HECTD4: variants seen among roughly 807,000 people sequenced by gnomAD.
HECTD4 encodes the protein HECT domain E3 ubiquitin protein ligase 4, also known as probable E3 ubiquitin-protein ligase HECTD4.
In HECTD4, 114 loss-of-function variants were observed where a neutral mutation model predicts 471.5. That is an observed-to-expected ratio of 0.24 (90% CI 0.21 to 0.28). The LOEUF (loss-of-function observed/expected upper bound fraction) is 0.28. Among genes scored for constraint, HECTD4 ranks in the 10% least tolerant of loss-of-function variants. The probability of loss-of-function intolerance (pLI) is 1.00; values close to 1 mark genes in which losing one functional copy is unlikely to be tolerated. For missense variants in HECTD4, 3,866 were observed against 5,651.5 expected, an observed-to-expected ratio of 0.68 and a Z score of 10.13; for synonymous variants, 2,012 against 2,256.0, an observed-to-expected ratio of 0.89 and a Z score of 3.07.
At chr12:112,172,336 A>G (rs1402458520) in intron 67 of HECTD4, among the ~76,000 whole-genome samples, 2 of 152,208 alleles carry the variant, frequency 1.3e-5, no homozygotes, top group Non-Finnish European at 2.9e-5. Flanking sequence ...CAGACTATAA[A>G]TGCTTCTCAC....
In HECTD4 at chr12:112,200,866, TGTGTGTGTGCGTGCGTGC is replaced by T. The variant is rs1433938989; in HGVS notation, c.8407-86_8407-69del. The T allele has an allele frequency of 3.8e-6, 5 of 1,315,726 alleles. No homozygotes were observed. The African/African-American group carries it at 6.6e-5, about 17-fold the overall frequency. The allele number at this position is 1,315,726 out of a possible 1,614,324, so 81.5% of individuals were successfully genotyped here. A position where few individuals can be genotyped will look rare whatever the true frequency, so the allele number is the denominator to read the frequency against. On this transcript the variant is annotated intron_variant, in intron 54 of 75. Coordinates refer to ENST00000682272, the MANE Select transcript of HECTD4 (RefSeq NM_001388303.1). ...TGTTTTCCATGTGTGCGTGCGTGCG[TGTGTGTGTGCGTGCGTGC>T]GTGTGTGTGTGTGTGTGTGTGTGTG...
chr12:112,175,787 C>A lies in HECTD4; in HGVS notation c.11543G>T (p.Arg3848Leu), dbSNP rs765073403. 1 of 1,613,410 alleles carries A rather than the reference C, an allele frequency of 6.2e-7. No homozygotes were observed. The highest frequency in any genetic ancestry group is 2.2e-5 in the East Asian group (1 of 44,870). ...GGACAAGATCGCCCTCCAGACGCTA[C>A]GGATATCTTGCCTGGCTCGGTCAAT... Reference protein sequence around the residue: ...FVIDRARQDIRSVWRAILSCG... With the variant: ...FVIDRARQDILSVWRAILSCG... The change falls in exon 66 of 76, where the codon CGT becomes CTT. Residue 3848 changes from arginine to leucine, a missense_variant. Coordinates refer to ENST00000682272, the MANE Select transcript of HECTD4 (RefSeq NM_001388303.1).
chr12:112,275,078 G>A (rs2034498915), intron 9 of HECTD4, 118 bp from the exon 10 acceptor site: 7 of 595,186 alleles, frequency 1.2e-5, no homozygotes, highest in Non-Finnish European at 8.7e-6. Context: ...GTTGTGTATT[G>A]GTGGTAATTG....
Position 112,264,099 on chromosome 12 carries a change from C to A in HECTD4, c.2733G>T (p.Glu911Asp), listed in dbSNP as rs748851555. 17 of 1,609,924 alleles carry A rather than the reference C, an allele frequency of 1.1e-5. No individual in the cohort carries two copies. The Admixed American group carries it at 2.2e-4, about 21-fold the overall frequency. ...NDDSDSSLQGETLKVQELKVS... is the reference protein window; with the variant it reads ...NDDSDSSLQGDTLKVQELKVS... The stretch of plus-strand genomic sequence containing the variant: ...TGGTGTTTACCTGTACCTTCAATGT[C>A]TCTCCCTGCAAGGAGCTGTCACTGT... Residue 911 changes from glutamate to aspartate, a missense_variant, in exon 17 of 76, where the codon GAG becomes GAT. By Grantham distance (45) the Glu-to-Asp change is conservative. Around this residue, in one of 16 missense-constraint regions of HECTD4, gnomAD observed 525 missense variants for 672.6 expected, o/e 0.78. Transcript: ENST00000682272.
At chr12:112,259,779 T>C (rs1243376430) in intron 18 of HECTD4, among the ~76,000 whole-genome samples, 1 of 152,136 alleles carries the variant, frequency 6.6e-6, no homozygotes, top group African/African-American at 2.4e-5. Context: ...TAAAGTTCTC[T>C]TGCCTCTGGG....
chr12:112,347,080 T>C (rs2036165991), intron 1 of HECTD4, among the ~76,000 whole-genome samples: 1 of 152,014 alleles, frequency 6.6e-6, no homozygotes, highest in Admixed American at 6.6e-5. Flanking sequence ...CCTCGACTTT[T>C]CATGTTTCTT....
At chr12:112,189,658 A>AGAGGAGGCACTTTGT (rs1381611611) in intron 60 of HECTD4, among the ~76,000 whole-genome samples, 3 of 150,510 alleles carry the variant, frequency 2.0e-5, no homozygotes, top group Non-Finnish European at 2.9e-5. Context: ...CTGTGCCTCC[A>AGAGGAGGCACTTTGT]GCTCACCAAA....
chr12:112,165,783 G>A (rs1042232348), intron 72 of HECTD4, among the ~76,000 whole-genome samples: 4 of 152,206 alleles, frequency 2.6e-5, no homozygotes, highest in African/African-American at 7.2e-5. Context: ...CACATATGGC[G>A]ACCAGGATCA....
At chr12:112,176,999 A>C (rs1398966293) in intron 64 of HECTD4, among the ~76,000 whole-genome samples, 2 of 152,246 alleles carry the variant, frequency 1.3e-5, no homozygotes, top group African/African-American at 4.8e-5. Context: ...AGCCAGATGT[A>C]GCTACCTAAG....
chr12:112,282,812 C>T (rs556933685), intron 8 of HECTD4, among the ~76,000 whole-genome samples: 1 of 152,272 alleles, frequency 6.6e-6, no homozygotes, highest in African/African-American at 2.4e-5. Context: ...CAGGTTTTCT[C>T]ATTCACAAAG....
chr12:112,285,169 C>T (rs1452264555), intron 7 of HECTD4, among the ~76,000 whole-genome samples: 1 of 152,116 alleles, frequency 6.6e-6, no homozygotes, highest in Non-Finnish European at 1.5e-5. Context: ...GAACACTTAC[C>T]TCTGTGTAAA....
At chr12:112,334,207 T>TTGAA (rs2035895748) in intron 1 of HECTD4, among the ~76,000 whole-genome samples, 1 of 142,646 alleles carries the variant, frequency 7.0e-6, no homozygotes, top group African/African-American at 2.6e-5. Flanking sequence ...AGACTCCCTC[T>TTGAA]TAAATAAATA....
intron 60 of HECTD4, among the ~76,000 whole-genome samples, chr12:112,187,872 C>T (rs1409359276): frequency 5.0e-5 from 7 of 140,950 alleles, no homozygotes; most frequent in East Asian, 2.3e-4. Context: ...GTGATCCGCC[C>T]GCCTTGGCCT....
intron 1 of HECTD4, among the ~76,000 whole-genome samples, chr12:112,344,878 A>C (rs1032546085): frequency 2.6e-5 from 4 of 152,136 alleles, no homozygotes; most frequent in Admixed American, 2.0e-4. Context: ...AGATCACGCC[A>C]TTGCACTCCA....
At position 112,185,219 on chromosome 12, in the gene HECTD4, C is replaced by T; in HGVS notation, c.9747G>A (p.Arg3249=). The T allele has an allele frequency of 6.4e-7, 1 of 1,551,204 alleles. No individual in the cohort carries two copies. Among genetic ancestry groups the T allele is most frequent in the Non-Finnish European group, 8.7e-7 (1 of 1,146,940 alleles). ...TGAGTGCATGAAAATACGTAGAGAACCTGCCCTGGTCACCGGCCGCCGCCC... is the reference window on the plus strand; with the variant it reads ...TGAGTGCATGAAAATACGTAGAGAATCTGCCCTGGTCACCGGCCGCCGCCC... The part of the protein sequence containing the change: ...SGGAAAGDQG[R]FSTYFHALME... The change falls in exon 61 of 76, where the codon AGG becomes AGA. Residue 3249 remains arginine, a synonymous_variant. Transcript: ENST00000682272.
intron 20 of HECTD4, among the ~76,000 whole-genome samples, chr12:112,257,567 G>A (rs925319411): frequency 1.3e-5 from 2 of 152,186 alleles, no homozygotes; most frequent in African/African-American, 4.8e-5. Context: ...TCTGTCACTA[G>A]AGATTAGTTT....
At chr12:112,290,654 C>A (rs1371533629) in intron 7 of HECTD4, among the ~76,000 whole-genome samples, 1 of 150,690 alleles carries the variant, frequency 6.6e-6, no homozygotes, top group Non-Finnish European at 1.5e-5. Context: ...TTGAGACCAG[C>A]CTGACCAAAA....
At chr12:112,183,814 A>T (rs2031758227) in intron 61 of HECTD4, among the ~76,000 whole-genome samples, 1 of 152,236 alleles carries the variant, frequency 6.6e-6, no homozygotes, top group Non-Finnish European at 1.5e-5. Flanking sequence ...CCTGGGACAG[A>T]ATGGCAGGAG....
chr12:112,195,807 TA>T (rs1431512359), intron 55 of HECTD4, among the ~76,000 whole-genome samples: 5 of 152,236 alleles, frequency 3.3e-5, no homozygotes, highest in African/African-American at 1.2e-4. Flanking sequence ...GGCATTTTTT[TA>T]TGTGATGAAT....
Sources: allele counts gnomAD v4.1 joint callset (sites outside exome capture counted in the v4.1 genomes callset), GRCh38; gene constraint gnomAD v4.1.1; regional missense constraint gnomAD v4.1.1; transcripts MANE v1.5; gene names NCBI Gene and HGNC (gene_info 2026-07-23, HGNC 2026-07-21).